The following CPXM2 variants were observed in gnomAD, a reference collection of about 807,000 sequenced individuals.
The protein encoded by CPXM2 is carboxypeptidase X, M14 family member 2.
Under a neutral mutation model 86.1 loss-of-function variants are expected in CPXM2, and 66 were observed. The ratio of observed to expected loss-of-function variants is 0.77; its 90% CI spans 0.63 to 0.94. The LOEUF is 0.94. Among genes scored for constraint, CPXM2 ranks in the 40% least tolerant of loss-of-function variants. The pLI, the probability that CPXM2 is intolerant of heterozygous loss-of-function variation, is 0.00. For synonymous variants in CPXM2, 388 were observed against 400.2 expected (o/e 0.97, Z 0.36); for missense variants, 948 against 1,026.3 (o/e 0.92, Z 1.04).
At chr10:123,864,562 C>T (rs571000151) in intron 2 of CPXM2, among the ~76,000 whole-genome samples, 1 of 152,308 alleles carries the variant, frequency 6.6e-6, no homozygotes, top group East Asian at 1.9e-4. Flanking sequence ...CTTCCAACCA[C>T]CAGCTTCTTC....
chr10:123,780,551 T>C (rs1321888037), intron 6 of CPXM2, among the ~76,000 whole-genome samples: 1 of 152,156 alleles, frequency 6.6e-6, no homozygotes, highest in Non-Finnish European at 1.5e-5. Flanking sequence ...TTTTTACCCA[T>C]AAACAAGAAA....
At chr10:123,911,994 G>C (rs951612196) in intron 2 of CPXM2, among the ~76,000 whole-genome samples, 2 of 152,040 alleles carry the variant, frequency 1.3e-5, no homozygotes, top group Non-Finnish European at 2.9e-5. Context: ...CAGAAAGGAG[G>C]GGGGAAGGAG....
rs913598825 is a variant in CPXM2, at chr10:123,806,283, A to T, written c.654-7084T>A. The stretch of plus-strand genomic sequence containing the variant: ...TGTTTATTTTCTTTCAGCACTTAAA[A>T]ATTTTGATTTTATTGGCTTGTGAGG... On this transcript the variant is annotated intron_variant, in intron 4 of 13. Transcript: ENST00000241305. 5.3e-5 allele frequency among the ~76,000 whole-genome samples: 8 copies of T among 152,144 alleles called. No homozygotes were observed. In the South Asian group the frequency reaches 1.2e-3, roughly 24 times the overall value.
At chr10:123,760,092 T>C (rs1031696183) in intron 11 of CPXM2, among the ~76,000 whole-genome samples, 2 of 152,196 alleles carry the variant, frequency 1.3e-5, no homozygotes, top group African/African-American at 4.8e-5. Flanking sequence ...AGCTACCGCA[T>C]GGCTCTGCCG....
In CPXM2 at chr10:123,746,678, C is replaced by A; in HGVS notation, c.*86G>T. The stretch of plus-strand genomic sequence containing the variant: ...GGCACTTCTTGAATTACAGAGGAAA[C>A]AACAGTGAGTGAGTCCACTATGGAG... On this transcript the variant is annotated 3_prime_UTR_variant, in exon 14 of 14. Coordinates refer to ENST00000241305, the MANE Select transcript of CPXM2 (RefSeq NM_198148.3). 1 of 1,302,822 alleles carries A rather than the reference C, an allele frequency of 7.7e-7. No individual in the cohort carries two copies. Among genetic ancestry groups the A allele is most frequent in the Non-Finnish European group, 1.1e-6 (1 of 927,278 alleles). The allele number at this position is 1,302,822 out of a possible 1,614,324, so 80.7% of individuals were successfully genotyped here.
At chr10:123,841,096 A>G (rs191207966) in intron 4 of CPXM2, among the ~76,000 whole-genome samples, 2 of 152,308 alleles carry the variant, frequency 1.3e-5, no homozygotes, top group East Asian at 1.9e-4. Flanking sequence ...CGCGTGGGGC[A>G]TTTGTGATCT....
intron 4 of CPXM2, among the ~76,000 whole-genome samples, chr10:123,814,657 C>T (rs1847775951): frequency 6.6e-6 from 1 of 151,950 alleles, no homozygotes; most frequent in African/African-American, 2.4e-5. Context: ...ATGATTAGAC[C>T]CAAAAATGCT....
chr10:123,914,263 G>A (rs562989445), intron 2 of CPXM2: 9 of 359,630 alleles, frequency 2.5e-5, no homozygotes, highest in East Asian at 1.5e-4. Flanking sequence ...CTTCCTTCCC[G>A]GACATTCTCC....
chr10:123,880,934 A>G (rs998659433), intron 1 of CPXM2, among the ~76,000 whole-genome samples: 11 of 117,318 alleles, frequency 9.4e-5, no homozygotes, highest in African/African-American at 3.8e-4. Context: ...CTGGAAGTGG[A>G]GCCTCAGACT....
intron 3 of CPXM2, among the ~76,000 whole-genome samples, chr10:123,849,703 G>A (rs1848563459): frequency 1.3e-5 from 2 of 152,052 alleles, no homozygotes; most frequent in Non-Finnish European, 2.9e-5. Flanking sequence ...GTGAGCCACC[G>A]TGCCCGGCCT....
intron 3 of CPXM2, among the ~76,000 whole-genome samples, chr10:123,851,464 A>C (rs2134172168): frequency 6.6e-6 from 1 of 152,256 alleles, no homozygotes; most frequent in East Asian, 1.9e-4. Flanking sequence ...TCAGAATGTG[A>C]CCTTATTTAG....
At chr10:123,847,345 T>C (rs1362906061) in intron 3 of CPXM2, among the ~76,000 whole-genome samples, 3 of 152,232 alleles carry the variant, frequency 2.0e-5, no homozygotes, top group African/African-American at 7.2e-5. Flanking sequence ...GCCAACACGG[T>C]GAAACCTTGT....
chr10:123,879,875 G>A (rs1945052196), intron 2 of CPXM2, among the ~76,000 whole-genome samples: 2 of 152,154 alleles, frequency 1.3e-5, no homozygotes, highest in South Asian at 4.1e-4. Context: ...AAGGCCATGG[G>A]CAGCTAAGAG....
At position 123,757,318 on chromosome 10, in the gene CPXM2, G is replaced by C. The variant is rs978313657; in HGVS notation, c.1812C>G (p.Cys604Trp). The part of the protein sequence containing the change: ...LNDFSYLHTN[C>W]FELSIYVGCD... ...AGCCCACGTAGATGGACAGTTCGAA[G>C]CAGTTTGTATGAAGGTAGCTGAAAT... Residue 604 changes from cysteine (C) to tryptophan (W), a missense_variant, in exon 12 of 14, where the codon TGC becomes TGG. Physicochemically the swap from Cys to Trp is radical, Grantham distance 215 (BLOSUM62 -2). Transcript: ENST00000241305. 1 of 1,613,908 alleles carries C rather than the reference G, an allele frequency of 6.2e-7. No homozygotes were observed. Among genetic ancestry groups the C allele is most frequent in the Admixed American group, 1.7e-5 (1 of 60,032 alleles).
intron 4 of CPXM2, among the ~76,000 whole-genome samples, chr10:123,820,315 A>G (rs943722154): frequency 2.6e-5 from 4 of 152,200 alleles, no homozygotes; most frequent in Admixed American, 1.3e-4. Flanking sequence ...GAAGAGTGAG[A>G]GAGCAGCACA....
chr10:123,931,205 A>C (rs1484521890), intron 2 of CPXM2, among the ~76,000 whole-genome samples: 1 of 152,260 alleles, frequency 6.6e-6, no homozygotes, highest in East Asian at 1.9e-4. Context: ...ACAAAAGAGG[A>C]AGGGAGGTGA....
At chr10:123,791,728 A>AG (rs978768013) in intron 6 of CPXM2, among the ~76,000 whole-genome samples, 25 of 152,346 alleles carry the variant, frequency 1.6e-4, no homozygotes, top group African/African-American at 5.8e-4. Context: ...CCAAGGTTGT[A>AG]GGGGGACCTC....
At chr10:123,831,272 T>C (rs1641994544) in intron 4 of CPXM2, among the ~76,000 whole-genome samples, 2 of 152,102 alleles carry the variant, frequency 1.3e-5, no homozygotes, top group Admixed American at 1.3e-4. Context: ...TCTGGAATAG[T>C]TGCTTGAGGG....
chr10:123,862,675 A>T lies in CPXM2; in HGVS notation c.452T>A (p.Leu151His), dbSNP rs750116155. 1 of 1,614,174 alleles carries T rather than the reference A, an allele frequency of 6.2e-7. No homozygotes were observed. The change falls in exon 3 of 14, where the codon CTC becomes CAC. Residue 151 changes from leucine to histidine, a missense_variant. Coordinates refer to ENST00000241305, the MANE Select transcript of CPXM2 (RefSeq NM_198148.3). ...ATAGCGCTTCACCGTGGAGGCATGGAGCTGGAAGTCTGTGATTTTTAAGGT... is the reference window on the plus strand; with the variant it reads ...ATAGCGCTTCACCGTGGAGGCATGGTGCTGGAAGTCTGTGATTTTTAAGGT... ...LETLKITDFQ[L>H]HASTVKRYGL...
Sources: gnomAD v4.1 joint callset for allele counts (sites outside exome capture counted in the v4.1 genomes callset) on GRCh38, gnomAD v4.1.1 for gene constraint, MANE v1.5 for transcripts, NCBI Gene and HGNC (gene_info 2026-07-23, HGNC 2026-07-21) for gene names.